Variants in FTO observed in about 807,000 individuals in gnomAD.
FTO encodes the protein alpha-ketoglutarate-dependent dioxygenase FTO.
In FTO, 47 loss-of-function variants were observed where a neutral mutation model predicts 63.9. The observed-to-expected ratio is 0.74, with a 90% confidence interval of 0.58 to 0.94. The LOEUF is 0.94. Among genes scored for constraint, FTO ranks in the 40% least tolerant of loss-of-function variants. FTO has a pLI of 0.00. For synonymous variants in FTO, 207 were observed against 224.4 expected, an observed-to-expected ratio of 0.92 and a Z score of 0.69; for missense variants, 562 against 618.1, an observed-to-expected ratio of 0.91 and a Z score of 0.96.
In FTO at chr16:54,093,341, C is replaced by T. The variant is rs145578614; in HGVS notation, c.1365-18421C>T. 6.6e-5 allele frequency among the ~76,000 whole-genome samples: 10 copies of T among 152,368 alleles called. 1 individual carries two copies. In the South Asian group the frequency reaches 1.9e-3, roughly 28 times the overall value. On this transcript the variant is annotated intron_variant, in intron 8 of 8. Coordinates refer to ENST00000471389, the MANE Select transcript of FTO (RefSeq NM_001080432.3). ...GGCAGAAAACGCATAATGGAGCCTC[C>T]GTAAAGTATTCTGTGCCAACTCCCA... is the stretch of plus-strand genomic sequence containing the variant.
At chr16:53,970,039 G>A (rs1338561044) in intron 8 of FTO, among the ~76,000 whole-genome samples, 1 of 152,158 alleles carries the variant, frequency 6.6e-6, no homozygotes, top group Non-Finnish European at 1.5e-5. Flanking sequence ...AACGGAGGAG[G>A]CGAGGTGTGG....
intron 1 of FTO, among the ~76,000 whole-genome samples, chr16:53,796,285 C>G (rs555587286): frequency 9.0e-4 from 137 of 152,194 alleles, no homozygotes; most frequent in South Asian, 1.2e-3. Flanking sequence ...CTCAGGTGAT[C>G]GGCCCGCATT....
intron 1 of FTO, among the ~76,000 whole-genome samples, chr16:53,732,593 A>T (rs549238696): frequency 6.6e-6 from 1 of 152,188 alleles, no homozygotes; most frequent in Admixed American, 6.5e-5. Context: ...TCTTGCTTTT[A>T]TTAGCAGTCG....
chr16:53,969,695 G>C (rs2083274650), intron 8 of FTO, among the ~76,000 whole-genome samples: 1 of 152,090 alleles, frequency 6.6e-6, no homozygotes, highest in South Asian at 2.1e-4. Context: ...TATACCTTCT[G>C]CCCCTGGGAA....
chr16:53,745,760 C>T (rs2076635348), intron 1 of FTO, among the ~76,000 whole-genome samples: 1 of 152,068 alleles, frequency 6.6e-6, no homozygotes, highest in Non-Finnish European at 1.5e-5. Flanking sequence ...GGTGAGGGTT[C>T]CGTTGCTTTG....
At chr16:54,062,419 G>C (rs2085601571) in intron 8 of FTO, among the ~76,000 whole-genome samples, 1 of 152,108 alleles carries the variant, frequency 6.6e-6, no homozygotes, top group Non-Finnish European at 1.5e-5. Context: ...AGAGGAGGGA[G>C]GACCCACACG....
intron 8 of FTO, among the ~76,000 whole-genome samples, chr16:54,056,247 C>T (rs544498422): frequency 5.9e-5 from 9 of 152,188 alleles, no homozygotes; most frequent in African/African-American, 2.2e-4. Context: ...AGGTAAGTAA[C>T]ACTCAAACTC....
intron 1 of FTO, among the ~76,000 whole-genome samples, chr16:53,763,013 A>G (rs919172672): frequency 6.6e-6 from 1 of 152,296 alleles, no homozygotes; most frequent in African/African-American, 2.4e-5. Flanking sequence ...AGAAGATGCA[A>G]TTTATTTATT....
intron 8 of FTO, among the ~76,000 whole-genome samples, chr16:53,960,527 G>A (rs1599093779): frequency 2.0e-5 from 3 of 152,332 alleles, no homozygotes; most frequent in East Asian, 1.9e-4. Flanking sequence ...CACATAAAAT[G>A]TTAAACATCA....
intron 3 of FTO, among the ~76,000 whole-genome samples, chr16:53,833,559 T>C (rs62033431): frequency 0.27 from 40,491 of 152,108 alleles, 5,782 homozygotes; most frequent in African/African-American, 0.37. Context: ...TTTGTGTGTA[T>C]ACTTTTTTTG....
At chr16:53,943,839 A>G (rs1043224920) in intron 8 of FTO, among the ~76,000 whole-genome samples, 1 of 152,202 alleles carries the variant, frequency 6.6e-6, no homozygotes. Context: ...GTGGGATGCC[A>G]GTTTTCTGAG....
intron 8 of FTO, among the ~76,000 whole-genome samples, chr16:54,034,562 A>G (rs1173030366): frequency 1.3e-5 from 2 of 152,180 alleles, no homozygotes; most frequent in Non-Finnish European, 2.9e-5. Flanking sequence ...GAACCTGTTT[A>G]GTCACACGTG....
At chr16:53,960,582 G>T (rs1211869851) in intron 8 of FTO, among the ~76,000 whole-genome samples, 1 of 152,152 alleles carries the variant, frequency 6.6e-6, no homozygotes, top group African/African-American at 2.4e-5. Context: ...GGTGCTGGGG[G>T]AATCTTGCTA....
chr16:54,024,274 A>C (rs1425272595), intron 8 of FTO, among the ~76,000 whole-genome samples: 1 of 152,130 alleles, frequency 6.6e-6, no homozygotes, highest in South Asian at 2.1e-4. Context: ...ACCAGGCTGG[A>C]GTGCAGAGGC....
chr16:53,897,390 G>A (rs1342307105), intron 7 of FTO, among the ~76,000 whole-genome samples: 1 of 151,894 alleles, frequency 6.6e-6, no homozygotes, highest in Non-Finnish European at 1.5e-5. Flanking sequence ...TGGAGTCTTC[G>A]GGCACTATTC....
In FTO at chr16:53,733,821, T is replaced by G. The variant is rs537556140; in HGVS notation, c.45+29592T>G. Among the ~76,000 whole-genome samples, 245 of 152,346 alleles carry G rather than the reference T, an allele frequency of 1.6e-3. 2 individuals carry two copies. Among genetic ancestry groups the G allele is most frequent in the African/African-American group, 5.6e-3 (234 of 41,588 alleles). ...TAAAGAACATTATATAAGGATTTCC[T>G]CTAGAATTTTTAAATCTTAAAATGT... On this transcript the variant is annotated intron_variant, in intron 1 of 8. Transcript: ENST00000471389.
chr16:53,751,406 T>C (rs566703223), intron 1 of FTO, among the ~76,000 whole-genome samples: 291 of 151,858 alleles, frequency 1.9e-3, no homozygotes, highest in Non-Finnish European at 3.2e-3. Flanking sequence ...TGCAGTGAGC[T>C]GAGATCATGC....
chr16:53,832,892 A>G (rs1204741660), intron 3 of FTO, among the ~76,000 whole-genome samples: 2 of 152,006 alleles, frequency 1.3e-5, no homozygotes, highest in Non-Finnish European at 2.9e-5. Context: ...TTCTGTCTGT[A>G]TTATATTTGA....
intron 1 of FTO, among the ~76,000 whole-genome samples, chr16:53,752,214 T>C (rs1357897014): frequency 1.3e-5 from 2 of 152,204 alleles, no homozygotes; most frequent in Non-Finnish European, 2.9e-5. Context: ...ACTGTTACTA[T>C]TTGTGTAAAA....
Sources: gnomAD v4.1 joint callset for allele counts (sites outside exome capture counted in the v4.1 genomes callset) on GRCh38, gnomAD v4.1.1 for gene constraint, MANE v1.5 for transcripts, NCBI Gene and HGNC (gene_info 2026-07-23, HGNC 2026-07-21) for gene names.